The following RNF220 variants were observed in gnomAD, a reference collection of about 807,000 sequenced individuals.
RNF220 encodes ring finger protein 220.
In RNF220, 7 loss-of-function variants were observed where a neutral mutation model predicts 67.1. That is an observed-to-expected ratio of 0.10 (90% CI 0.06 to 0.20). The LOEUF (loss-of-function observed/expected upper bound fraction) is 0.20. RNF220 is among the 10% of genes least tolerant of loss of function. The pLI, the probability that RNF220 is intolerant of heterozygous loss-of-function variation, is 1.00. For synonymous variants in RNF220, 270 were observed against 283.2 expected, an observed-to-expected ratio of 0.95 and a Z score of 0.47; for missense variants, 565 against 740.3, an observed-to-expected ratio of 0.76 and a Z score of 2.75.
At chr1:44,545,986 A>T (rs1444738991) in intron 2 of RNF220, among the ~76,000 whole-genome samples, 1 of 152,146 alleles carries the variant, frequency 6.6e-6, no homozygotes, top group Non-Finnish European at 1.5e-5. Flanking sequence ...CCTCATTGCA[A>T]ACCTTTCTGA....
intron 2 of RNF220, among the ~76,000 whole-genome samples, chr1:44,580,039 A>G: frequency 7.1e-6 from 1 of 140,978 alleles, no homozygotes; most frequent in Admixed American, 6.8e-5. Flanking sequence ...ACAAAAAAAA[A>G]AAAAAAAAAA....
At chr1:44,507,540 G>A (rs1658544329) in intron 2 of RNF220, among the ~76,000 whole-genome samples, 1 of 151,976 alleles carries the variant, frequency 6.6e-6, no homozygotes, top group East Asian at 1.9e-4. Context: ...GGGTAATCCA[G>A]TTAGAGTCCC....
chr1:44,623,717 G>A (rs1224039335), intron 4 of RNF220, among the ~76,000 whole-genome samples: 3 of 152,168 alleles, frequency 2.0e-5, no homozygotes, highest in East Asian at 3.9e-4. Context: ...AGAATCTGAG[G>A]GACTCCTGCA....
At chr1:44,415,500 G>GATAT (rs10642792) in intron 2 of RNF220, among the ~76,000 whole-genome samples, 1 of 149,848 alleles carries the variant, frequency 6.7e-6, no homozygotes, top group Non-Finnish European at 1.5e-5. Flanking sequence ...ATATATGGTT[G>GATAT]ATATACACAC....
intron 2 of RNF220, among the ~76,000 whole-genome samples, chr1:44,564,142 A>G (rs889699150): frequency 6.6e-6 from 1 of 152,208 alleles, no homozygotes; most frequent in African/African-American, 2.4e-5. Flanking sequence ...TAGGGGATGA[A>G]TGGGGGACCA....
At chr1:44,469,427 C>CT (rs1353687622) in intron 2 of RNF220, among the ~76,000 whole-genome samples, 1 of 136,074 alleles carries the variant, frequency 7.3e-6, no homozygotes. Flanking sequence ...AGAAGTTCAC[C>CT]TAGAAAGCAC....
intron 2 of RNF220, among the ~76,000 whole-genome samples, chr1:44,414,339 T>G (rs1049362863): frequency 2.6e-5 from 4 of 152,204 alleles, no homozygotes; most frequent in African/African-American, 9.6e-5. Flanking sequence ...ATTCCGCCCC[T>G]TTTTTTCTCC....
intron 2 of RNF220, among the ~76,000 whole-genome samples, chr1:44,431,318 T>TTA (rs1345559632): frequency 1.2e-4 from 18 of 152,092 alleles, no homozygotes; most frequent in African/African-American, 4.3e-4. Context: ...GGTGAAACCC[T>TTA]GTCTCTTCTA....
chr1:44,563,351 C>T (rs766380501), intron 2 of RNF220, among the ~76,000 whole-genome samples: 9 of 152,158 alleles, frequency 5.9e-5, no homozygotes, highest in Non-Finnish European at 4.4e-5. Flanking sequence ...GCTGAAGTGG[C>T]ACAGTAACTC....
chr1:44,623,223 G>A (rs776287543), intron 4 of RNF220, among the ~76,000 whole-genome samples: 3 of 148,032 alleles, frequency 2.0e-5, no homozygotes, highest in African/African-American at 4.8e-5. Context: ...AGGTGTGTGC[G>A]TGTGTGTGTG....
At chr1:44,635,632 A>G in intron 7 of RNF220, 44 bp downstream of exon 7, 2 of 1,614,162 alleles carry the variant, frequency 1.2e-6, no homozygotes, top group South Asian at 2.2e-5. Context: ...TCGGAGCAGG[A>G]GATGAGTAGG....
chr1:44,444,627 G>C (rs547650354), intron 2 of RNF220, among the ~76,000 whole-genome samples: 1 of 152,150 alleles, frequency 6.6e-6, no homozygotes, highest in East Asian at 1.9e-4. Flanking sequence ...TTTTTGTAGA[G>C]ACAGGATTTC....
intron 1 of RNF220, among the ~76,000 whole-genome samples, chr1:44,411,038 G>A (rs1647907946): frequency 6.6e-6 from 1 of 152,196 alleles, no homozygotes; most frequent in South Asian, 2.1e-4. Flanking sequence ...AATAAGCAGA[G>A]CAAAATAAGT....
At chr1:44,536,152 A>C (rs35158272) in intron 2 of RNF220, among the ~76,000 whole-genome samples, 4,351 of 152,292 alleles carry the variant, frequency 0.029, 96 homozygotes, top group Middle Eastern at 0.068. Flanking sequence ...TGGGCCCTAC[A>C]GGCTGTCTGG....
At chr1:44,535,008 G>A (rs920118687) in intron 2 of RNF220, among the ~76,000 whole-genome samples, 3 of 152,128 alleles carry the variant, frequency 2.0e-5, no homozygotes, top group African/African-American at 7.2e-5. Context: ...CAGGGAGCAA[G>A]TTACTGCTAA....
At chr1:44,619,470 C>T (rs138482673) in intron 3 of RNF220, among the ~76,000 whole-genome samples, 74 of 152,276 alleles carry the variant, frequency 4.9e-4, no homozygotes, top group African/African-American at 1.7e-3. Flanking sequence ...TAGATTAAAA[C>T]GAAGTGTAAC....
chr1:44,407,872 G>A (rs1647544474), intron 1 of RNF220, among the ~76,000 whole-genome samples: 1 of 152,126 alleles, frequency 6.6e-6, no homozygotes, highest in Non-Finnish European at 1.5e-5. Flanking sequence ...TCGGGGGCTG[G>A]AGGTCCTTGG....
rs1479297131 is a variant in RNF220, at chr1:44,632,354, A to C, written c.918A>C (p.Arg306=). ...HHSDRYQTFL[R]VRANRQTRLN... is the part of the protein sequence containing the mutation. ...CGATCTTCTCCCAGACCTTTCTGCG[A>C]GTACGAGCCAACCGGCAGACCCGAC... Residue 306 remains arginine, a synonymous_variant, in exon 6 of 15, where the codon CGA becomes CGC. Transcript: ENST00000361799. 6.2e-7 allele frequency: 1 copy of C among 1,613,870 alleles called. No individual in the cohort carries two copies. The highest frequency in any genetic ancestry group is 1.3e-5 in the African/African-American group (1 of 74,888).
At chr1:44,617,340 C>G (rs1643599891) in intron 3 of RNF220, among the ~76,000 whole-genome samples, 1 of 152,232 alleles carries the variant, frequency 6.6e-6, no homozygotes, top group African/African-American at 2.4e-5. Context: ...GCCCCCTCCC[C>G]TCGCTTCTCT....
Sources: gnomAD v4.1 joint callset for allele counts (sites outside exome capture counted in the v4.1 genomes callset) on GRCh38, gnomAD v4.1.1 for gene constraint, MANE v1.5 for transcripts, NCBI Gene and HGNC (gene_info 2026-07-23, HGNC 2026-07-21) for gene names.